The following TET1 variants were observed in gnomAD, a reference collection of about 807,000 sequenced individuals.
TET1 encodes the protein tet methylcytosine dioxygenase 1.
A neutral mutation model predicts 148.7 loss-of-function variants in TET1; 13 were observed. The ratio of observed to expected loss-of-function variants is 0.09; its 90% CI spans 0.06 to 0.14. TET1 has a LOEUF of 0.14. Ranked by LOEUF, TET1 falls within the 10% of genes least tolerant of loss-of-function variation. The pLI is 1.00. For synonymous variants in TET1, 907 were observed against 937.2 expected, an observed-to-expected ratio of 0.97 and a Z score of 0.59; for missense variants, 2,182 against 2,553.8, an observed-to-expected ratio of 0.85 and a Z score of 3.14.
chr10:68,623,890 T>C (rs990892605), intron 3 of TET1, among the ~76,000 whole-genome samples: 4 of 152,218 alleles, frequency 2.6e-5, no homozygotes. Flanking sequence ...ACAGCTACAC[T>C]GCTGTGTGAT....
chr10:68,655,297 C>A (rs187940649), intron 6 of TET1, among the ~76,000 whole-genome samples: 1 of 152,328 alleles, frequency 6.6e-6, no homozygotes, highest in East Asian at 1.9e-4. Flanking sequence ...TTATATATTT[C>A]TCAAACAGTA....
At chr10:68,627,033 G>T (rs1370500110) in intron 3 of TET1, among the ~76,000 whole-genome samples, 2 of 152,198 alleles carry the variant, frequency 1.3e-5, no homozygotes, top group Non-Finnish European at 2.9e-5. Context: ...AACACTTTGG[G>T]AGGCCGAGGC....
Position 68,692,903 on chromosome 10 carries a change from G to A in TET1, c.*1089G>A, listed in dbSNP as rs1224259536. 2 of 230,646 alleles carry A rather than the reference G, an allele frequency of 8.7e-6. No homozygotes were observed. Among genetic ancestry groups the A allele is most frequent in the Non-Finnish European group, 1.7e-5 (2 of 116,988 alleles). 14.3% of individuals were successfully genotyped at this position (230,646 alleles called of 1,614,324 possible). On this transcript the variant is annotated 3_prime_UTR_variant, in exon 12 of 12. Transcript: ENST00000373644. ...CAAGGTGATAAAATACAAAAACTAAGTAGACAGATATTTGTACTGAAGTCT... is the reference window on the plus strand; with the variant it reads ...CAAGGTGATAAAATACAAAAACTAAATAGACAGATATTTGTACTGAAGTCT...
chr10:68,663,201 A>G (rs2055147453), intron 6 of TET1, among the ~76,000 whole-genome samples: 1 of 152,196 alleles, frequency 6.6e-6, no homozygotes, highest in Non-Finnish European at 1.5e-5. Flanking sequence ...TATGAACCTT[A>G]GAAGCACGCT....
intron 7 of TET1, among the ~76,000 whole-genome samples, chr10:68,667,919 T>A (rs1320581170): frequency 6.6e-6 from 1 of 152,188 alleles, no homozygotes; most frequent in Non-Finnish European, 1.5e-5. Context: ...CTATTCAATG[T>A]AAGAGAATAT....
intron 2 of TET1, among the ~76,000 whole-genome samples, chr10:68,587,153 A>G (rs1222948927): frequency 4.6e-5 from 7 of 152,196 alleles, no homozygotes; most frequent in Admixed American, 2.0e-4. Context: ...TTGTGCTTGT[A>G]TAATGAGAGG....
chr10:68,631,433 C>CTTTTTTTTTTTTT (rs546257824), intron 3 of TET1, among the ~76,000 whole-genome samples: 75 of 110,570 alleles, frequency 6.8e-4, no homozygotes, highest in African/African-American at 1.2e-3. Context: ...TTTCTTTCTT[C>CTTTTTTTTTTTTT]TTTTTTTTTT....
intron 11 of TET1, among the ~76,000 whole-genome samples, chr10:68,689,034 T>C (rs1041473289): frequency 1.3e-5 from 2 of 152,234 alleles, no homozygotes; most frequent in African/African-American, 4.8e-5. Context: ...TATTCCCAGA[T>C]ATTTGTAAGC....
intron 3 of TET1, among the ~76,000 whole-genome samples, chr10:68,625,357 A>T (rs1315969865): frequency 6.6e-6 from 1 of 152,170 alleles, no homozygotes; most frequent in Non-Finnish European, 1.5e-5. Flanking sequence ...ATTAATATTC[A>T]GATGTAGAAT....
intron 3 of TET1, among the ~76,000 whole-genome samples, chr10:68,641,823 A>G (rs1461979236): frequency 1.3e-5 from 2 of 152,042 alleles, no homozygotes; most frequent in Non-Finnish European, 2.9e-5. Flanking sequence ...TATTGAGACG[A>G]TGTCTCATTC....
chr10:68,589,504 G>C (rs1242646612), intron 2 of TET1, among the ~76,000 whole-genome samples: 2 of 108,980 alleles, frequency 1.8e-5, no homozygotes, highest in African/African-American at 6.0e-5. Context: ...GGGTTTCACT[G>C]TGTTGCCCAG....
At chr10:68,654,566 T>G (rs574658610) in intron 6 of TET1, among the ~76,000 whole-genome samples, 149 of 151,926 alleles carry the variant, frequency 9.8e-4, no homozygotes, top group Admixed American at 3.5e-3. Context: ...GCAGTGGGCC[T>G]AGATCGTGCC....
chr10:68,574,011 ACAC>A lies in TET1; in HGVS notation c.1677_1679del (p.Thr560del), dbSNP rs528358468. ...GTAACCAGCACAGTTCATGTTGTCA[ACAC>A]CACAGTGGTGACTATGCCAGTGCCA... On this transcript the variant is annotated inframe_deletion, in exon 2 of 12. Coordinates refer to ENST00000373644, the MANE Select transcript of TET1 (RefSeq NM_030625.3). 1.2e-6 allele frequency: 2 copies of A among 1,614,116 alleles called. No homozygotes were observed. Among genetic ancestry groups the A allele is most frequent in the South Asian group, 2.2e-5 (2 of 91,080 alleles).
At chr10:68,571,555 T>C (rs914510724) in intron 1 of TET1, among the ~76,000 whole-genome samples, 11 of 150,680 alleles carry the variant, frequency 7.3e-5, no homozygotes, top group African/African-American at 2.2e-4. Context: ...CGTGAGCCAC[T>C]GCGCCTGGCA....
intron 7 of TET1, among the ~76,000 whole-genome samples, chr10:68,672,400 A>G (rs2055284237): frequency 7.0e-6 from 1 of 142,124 alleles, no homozygotes; most frequent in African/African-American, 2.6e-5. Flanking sequence ...AAGCAGCAGA[A>G]TCGATTGAAC....
intron 6 of TET1, among the ~76,000 whole-genome samples, chr10:68,661,196 ATTTTTTTTTTTT>A (rs974912892): frequency 1.1e-4 from 9 of 78,630 alleles, no homozygotes; most frequent in African/African-American, 4.4e-4. Context: ...CGCCTGGCTA[ATTTTTTTTTTTT>A]TTTTTTTTTT....
chr10:68,652,515 G>C lies in TET1; in HGVS notation c.4382G>C (p.Gly1461Ala), dbSNP rs1238309242. 1 of 1,610,140 alleles carries C rather than the reference G, an allele frequency of 6.2e-7. No individual in the cohort carries two copies. Among genetic ancestry groups the C allele is most frequent in the Non-Finnish European group, 8.5e-7 (1 of 1,178,280 alleles). Residue 1461 changes from glycine (G) to alanine (A), a missense_variant, in exon 6 of 12, where the codon GGA becomes GCA. Gly to Ala is a moderately conservative substitution (Grantham distance 60, BLOSUM62 0). Around this residue, in one of 11 missense-constraint regions of TET1, gnomAD observed 169 missense variants for 263.7 expected, o/e 0.64. Transcript: ENST00000373644. ...TTTATACTCAGGTATGGTCAAAAAG[G>C]AAACGCAATAAGGATAGAAATAGTA... ...EIMENRYGQK[G>A]NAIRIEIVVY...
At chr10:68,650,927 T>C (rs2133110796) in intron 4 of TET1, among the ~76,000 whole-genome samples, 1 of 152,340 alleles carries the variant, frequency 6.6e-6, no homozygotes, top group East Asian at 1.9e-4. Context: ...TTGATTTTAA[T>C]TTTGTTTCCA....
intron 7 of TET1, among the ~76,000 whole-genome samples, chr10:68,669,474 C>CTTTTTTTTTTTTTTTTT (rs3085667): frequency 8.9e-4 from 55 of 61,546 alleles, no homozygotes; most frequent in South Asian, 1.1e-3. Context: ...CCATGCCCAG[C>CTTTTTTTTTTTTTTTTT]TTTTTTTTTT....
Sources: allele counts gnomAD v4.1 joint callset (sites outside exome capture counted in the v4.1 genomes callset), GRCh38; gene constraint gnomAD v4.1.1; regional missense constraint gnomAD v4.1.1; transcripts MANE v1.5; gene names NCBI Gene and HGNC (gene_info 2026-07-23, HGNC 2026-07-21).